Variants in RBMS3 observed in about 807,000 individuals in gnomAD.
RBMS3 encodes the protein RNA binding motif single stranded interacting protein 3.
Under a neutral mutation model 66.8 loss-of-function variants are expected in RBMS3, and 27 were observed. The ratio of observed to expected loss-of-function variants is 0.40; its 90% CI spans 0.30 to 0.56. The LOEUF (loss-of-function observed/expected upper bound fraction) is 0.56. Ranked by LOEUF, RBMS3 falls within the 20% of genes least tolerant of loss-of-function variation. The pLI is 0.40. For missense variants in RBMS3, 513 were observed against 549.5 expected (o/e 0.93, Z 0.66); for synonymous variants, 188 against 183.0 (o/e 1.03, Z -0.22).
intron 10 of RBMS3, among the ~76,000 whole-genome samples, chr3:29,915,750 A>T (rs2060623995): frequency 6.6e-6 from 1 of 152,008 alleles, no homozygotes; most frequent in Non-Finnish European, 1.5e-5. Flanking sequence ...TAAACCTTTA[A>T]TCTGTGCTAT....
chr3:30,009,255 T>G lies in RBMS3; in HGVS notation c.*5393T>G, dbSNP rs147799104. On this transcript the variant is annotated 3_prime_UTR_variant, in exon 15 of 15. Transcript: ENST00000383767. Reference sequence around the variant, plus strand: ...CTACTTTGTGGGTGTGTTTTGTTTTTTCTTTTCAGCGTGTAGGGCTTGGGC... The same window carrying G: ...CTACTTTGTGGGTGTGTTTTGTTTTGTCTTTTCAGCGTGTAGGGCTTGGGC... 1.4e-4 allele frequency: 21 copies of G among 152,264 alleles called. No individual in the cohort carries two copies. The highest frequency in any genetic ancestry group is 2.4e-4 in the Non-Finnish European group (16 of 68,006). 9.4% of individuals were successfully genotyped at this position (152,264 alleles called of 1,614,324 possible).
At chr3:29,798,929 G>T (rs1476175078) in intron 6 of RBMS3, among the ~76,000 whole-genome samples, 23 of 127,648 alleles carry the variant, frequency 1.8e-4, no homozygotes, top group African/African-American at 2.9e-4. Context: ...GTACCCTCTG[G>T]TTTTTTTTTT....
chr3:29,418,712 T>G (rs2040579558), intron 1 of RBMS3, among the ~76,000 whole-genome samples: 1 of 152,168 alleles, frequency 6.6e-6, no homozygotes, highest in African/African-American at 2.4e-5. Context: ...GGTGCCTATT[T>G]TCATTGGGTG....
At chr3:29,325,575 CAT>C (rs1479062156) in intron 1 of RBMS3, among the ~76,000 whole-genome samples, 4 of 145,596 alleles carry the variant, frequency 2.7e-5, no homozygotes, top group Non-Finnish European at 4.5e-5. Flanking sequence ...TATATATATA[CAT>C]GTGTGTATGT....
At chr3:29,317,843 G>A (rs1206545928) in intron 1 of RBMS3, among the ~76,000 whole-genome samples, 1 of 151,658 alleles carries the variant, frequency 6.6e-6, no homozygotes, top group Non-Finnish European at 1.5e-5. Flanking sequence ...ACCCACTCAT[G>A]GAAAGAACAG....
intron 1 of RBMS3, among the ~76,000 whole-genome samples, chr3:29,296,737 G>C (rs1447284490): frequency 6.6e-6 from 1 of 151,856 alleles, no homozygotes; most frequent in Non-Finnish European, 1.5e-5. Flanking sequence ...GACCAAGAAT[G>C]TGTATTTCTG....
At chr3:29,644,279 C>T (rs925554772) in intron 4 of RBMS3, among the ~76,000 whole-genome samples, 2 of 152,160 alleles carry the variant, frequency 1.3e-5, no homozygotes, top group African/African-American at 2.4e-5. Flanking sequence ...GTTAAATTGT[C>T]GTGTTACAAT....
chr3:29,723,806 AC>A (rs1353581864), intron 4 of RBMS3, among the ~76,000 whole-genome samples: 1 of 151,970 alleles, frequency 6.6e-6, no homozygotes, highest in African/African-American at 2.4e-5. Flanking sequence ...GAGAAAAAAA[AC>A]TCTCTTAATG....
At chr3:29,615,106 T>G (rs1422762760) in intron 4 of RBMS3, 1 of 152,506 alleles carries the variant, frequency 6.6e-6, no homozygotes, top group Non-Finnish European at 1.5e-5. Flanking sequence ...ATCTTGAACT[T>G]GAACTGAGTC....
chr3:29,600,419 C>T (rs1013365668), intron 4 of RBMS3, among the ~76,000 whole-genome samples: 3 of 151,988 alleles, frequency 2.0e-5, no homozygotes, highest in Admixed American at 1.3e-4. Context: ...TCTCTCTTGC[C>T]GTGTTATCTT....
chr3:29,732,761 G>A (rs1363203953), intron 4 of RBMS3, among the ~76,000 whole-genome samples: 1 of 152,006 alleles, frequency 6.6e-6, no homozygotes, highest in Non-Finnish European at 1.5e-5. Flanking sequence ...TTAAATTGCT[G>A]CAGCATATAA....
At chr3:29,503,030 C>G (rs1408936140) in intron 3 of RBMS3, among the ~76,000 whole-genome samples, 1 of 152,120 alleles carries the variant, frequency 6.6e-6, no homozygotes, top group Non-Finnish European at 1.5e-5. Context: ...TACCCAGTCT[C>G]TTTTCTTTTC....
chr3:29,526,365 C>CA (rs1420020830), intron 3 of RBMS3: 5 of 150,424 alleles, frequency 3.3e-5, no homozygotes, highest in Non-Finnish European at 7.4e-5. Context: ...CTAAAAAATA[C>CA]AAAAAATTAG....
chr3:29,337,481 A>G (rs533478134), intron 1 of RBMS3, among the ~76,000 whole-genome samples: 1 of 152,152 alleles, frequency 6.6e-6, no homozygotes, highest in Non-Finnish European at 1.5e-5. Flanking sequence ...TCTACAAAAA[A>G]TTAAAAAATT....
intron 4 of RBMS3, among the ~76,000 whole-genome samples, chr3:29,647,283 T>C (rs148896708): frequency 1.2e-4 from 19 of 152,266 alleles, no homozygotes; most frequent in African/African-American, 4.6e-4. Context: ...ACGGCCTCTT[T>C]TCTTTTTTAT....
intron 4 of RBMS3, among the ~76,000 whole-genome samples, chr3:29,735,477 T>A (rs529475105): frequency 4.5e-4 from 69 of 152,016 alleles, no homozygotes; most frequent in African/African-American, 1.7e-3. Context: ...AATGGGGGAG[T>A]TACTTATAGT....
intron 14 of RBMS3, among the ~76,000 whole-genome samples, chr3:29,999,654 A>C (rs958158824): frequency 1.1e-4 from 17 of 152,154 alleles, no homozygotes; most frequent in African/African-American, 3.9e-4. Flanking sequence ...AAACTATCAC[A>C]AGGACAAAAA....
intron 2 of RBMS3, among the ~76,000 whole-genome samples, chr3:29,462,099 G>A (rs563800405): frequency 1.3e-5 from 2 of 152,028 alleles, no homozygotes; most frequent in South Asian, 4.2e-4. Flanking sequence ...TTAAAATGGG[G>A]TGATAATACA....
rs1314403761 is a variant in RBMS3 at position 29,935,843 on chromosome 3, A to G, written c.940-243A>G. On this transcript the variant is annotated intron_variant, in intron 10 of 14. Transcript: ENST00000383767. ...ACCTCAAAAAATGAAAATGTAAGTGACATATTTTAGACACATCACAGGTAA... is the reference window on the plus strand; with the variant it reads ...ACCTCAAAAAATGAAAATGTAAGTGGCATATTTTAGACACATCACAGGTAA... Among the ~76,000 whole-genome samples, 17 of 152,102 alleles carry G rather than the reference A, an allele frequency of 1.1e-4. 1 individual carries two copies. The highest frequency in any genetic ancestry group is 1.1e-3 in the Admixed American group (17 of 15,262).
Sources: allele counts gnomAD v4.1 joint callset (sites outside exome capture counted in the v4.1 genomes callset), GRCh38; gene constraint gnomAD v4.1.1; transcripts MANE v1.5; gene names NCBI Gene and HGNC (gene_info 2026-07-23, HGNC 2026-07-21).